The following ATR variants were observed in gnomAD, a reference collection of about 807,000 sequenced individuals.
ATR encodes serine/threonine-protein kinase ATR.
In ATR, 142 loss-of-function variants were observed where a neutral mutation model predicts 305.3. The observed-to-expected ratio is 0.47, with a 90% confidence interval of 0.41 to 0.53. The LOEUF is 0.53. Among genes scored for constraint, ATR ranks in the 20% least tolerant of loss-of-function variants. The pLI is 0.00. For missense variants in ATR, 2,135 were observed against 3,133.1 expected (o/e 0.68, Z 7.60); for synonymous variants, 1,050 against 1,068.1 (o/e 0.98, Z 0.33).
chr3:142,499,676 T>C lies in ATR; in HGVS notation c.5331A>G (p.Ala1777=). 6 of 1,614,174 alleles carry C rather than the reference T, an allele frequency of 3.7e-6. No homozygotes were observed. Among genetic ancestry groups the C allele is most frequent in the Non-Finnish European group, 5.1e-6 (6 of 1,180,020 alleles). ...TDELNTYRVE[A]AWKLSQWDLV... is the part of the protein sequence containing the mutation. Reference sequence around the variant, plus strand: ...AATCCCACTGTGACAATTTCCAAGCTGCTTCCACTCTGTACGTGTTTAATT... The same window carrying C: ...AATCCCACTGTGACAATTTCCAAGCCGCTTCCACTCTGTACGTGTTTAATT... The change falls in exon 31 of 47, where the codon GCA becomes GCG. Residue 1777 remains alanine, a synonymous_variant. Coordinates refer to ENST00000350721, the MANE Select transcript of ATR (RefSeq NM_001184.4).
intron 26 of ATR, 102 bp downstream of exon 26, chr3:142,513,399 T>C (rs1210286148): frequency 1.5e-6 from 2 of 1,363,982 alleles, no homozygotes; most frequent in Non-Finnish European, 2.1e-6. Flanking sequence ...TAGCCATACA[T>C]AGGTCTACAT....
chr3:142,482,383 T>C (rs2030570222), intron 36 of ATR, among the ~76,000 whole-genome samples: 1 of 152,254 alleles, frequency 6.6e-6, no homozygotes, highest in African/African-American at 2.4e-5. Flanking sequence ...GAAGGGTACT[T>C]TAAAAATACT....
rs183450463 is a variant in ATR at position 142,554,403 on chromosome 3, T to A, written c.2342-388A>T. 5.4e-3 allele frequency among the ~76,000 whole-genome samples: 820 copies of A among 152,230 alleles called. 5 individuals are homozygous for A. The highest frequency in any genetic ancestry group is 6.4e-3 in the Non-Finnish European group (435 of 68,012). On this transcript the variant is annotated intron_variant, in intron 10 of 46. Coordinates refer to ENST00000350721, the MANE Select transcript of ATR (RefSeq NM_001184.4). ...CCACCATGCCTGGCTAATTTTTGTATTTTTTGTAGAGATGGGGCTTCACCA... is the reference window on the plus strand; with the variant it reads ...CCACCATGCCTGGCTAATTTTTGTAATTTTTGTAGAGATGGGGCTTCACCA...
At chr3:142,488,959 T>A (rs2031119316) in intron 35 of ATR, among the ~76,000 whole-genome samples, 1 of 152,192 alleles carries the variant, frequency 6.6e-6, no homozygotes, top group Non-Finnish European at 1.5e-5. Flanking sequence ...ATGTTTTAAT[T>A]TTTATTTTGT....
At chr3:142,527,883 T>C (rs2033462958) in intron 21 of ATR, among the ~76,000 whole-genome samples, 1 of 152,146 alleles carries the variant, frequency 6.6e-6, no homozygotes, top group East Asian at 1.9e-4. Flanking sequence ...TCACTCCCCA[T>C]TTCCCCCAAA....
intron 28 of ATR, among the ~76,000 whole-genome samples, chr3:142,505,558 A>G (rs188003108): frequency 5.9e-5 from 9 of 152,210 alleles, no homozygotes; most frequent in Non-Finnish European, 7.3e-5. Flanking sequence ...AAGGTTTATA[A>G]AGAACCTCAG....
At chr3:142,451,749 A>T (rs2070795229) in intron 46 of ATR, 42 of 1,112,450 alleles carry the variant, frequency 3.8e-5, no homozygotes, top group Non-Finnish European at 4.5e-5. Flanking sequence ...CCAGCTAATT[A>T]AAAAAAAACA....
intron 5 of ATR, 110 bp from the exon 6 acceptor site, chr3:142,560,564 A>AT (rs1237112467): frequency 0.038 from 32,400 of 844,644 alleles, no homozygotes; most frequent in East Asian, 0.048. Context: ...ATTCAAAAAA[A>AT]TTTTTTTTTT....
At chr3:142,458,809 A>G (rs1254709336) in intron 44 of ATR, 149 bp downstream of exon 44, 1 of 869,450 alleles carries the variant, frequency 1.2e-6, no homozygotes, top group Non-Finnish European at 1.8e-6. Flanking sequence ...TTACTACATG[A>G]TCCACTGATG....
rs2108427672 is a variant in ATR, at chr3:142,536,199, TC to T, written c.3727del (p.Asp1243MetfsTer19). On this transcript the variant is annotated frameshift_variant and splice_region_variant, in exon 20 of 47. Coordinates refer to ENST00000350721, the MANE Select transcript of ATR (RefSeq NM_001184.4). LOFTEE classifies it high-confidence loss of function. ...TTCATGAAGAAAATCTTGCACAGCA[TC>T]CCTAATAGTTAGTTGGAATAAAAAG... ...IFHYLIIENR[D>X]AVQDFLHEIY... 6.4e-7 allele frequency: 1 copy of T among 1,553,294 alleles called. No individual in the cohort carries two copies.
intron 9 of ATR, 48 bp from the exon 10 acceptor site, chr3:142,556,187 G>C (rs1428506580): frequency 1.4e-5 from 22 of 1,599,316 alleles, no homozygotes; most frequent in Non-Finnish European, 1.7e-5. Flanking sequence ...CTAATTTTGT[G>C]GTCTAAATAG....
chr3:142,553,557 T>C, intron 12 of ATR, 83 bp downstream of exon 12: 1 of 1,459,438 alleles, frequency 6.9e-7, no homozygotes, highest in Non-Finnish European at 9.5e-7. Context: ...ACAAATATCA[T>C]ATCACCATTT....
At chr3:142,466,585 T>A in intron 39 of ATR, 52 bp from the exon 40 acceptor site, 1 of 1,501,712 alleles carries the variant, frequency 6.7e-7, no homozygotes. Context: ...AATTCCACTA[T>A]AACAAAAATT....
At chr3:142,565,204 G>C (rs996893481) in intron 3 of ATR, among the ~76,000 whole-genome samples, 1 of 152,064 alleles carries the variant, frequency 6.6e-6, no homozygotes, top group Admixed American at 6.6e-5. Context: ...CTCTATGATA[G>C]ATGAAATGCA....
intron 13 of ATR, 149 bp downstream of exon 13, chr3:142,553,078 T>C (rs1166458558): frequency 9.6e-7 from 1 of 1,037,820 alleles, no homozygotes; most frequent in East Asian, 2.6e-5. Flanking sequence ...AGCAAACCTC[T>C]ACATGCTGCA....
intron 35 of ATR, among the ~76,000 whole-genome samples, chr3:142,491,170 T>G (rs2031254872): frequency 6.6e-6 from 1 of 152,176 alleles, no homozygotes; most frequent in Non-Finnish European, 1.5e-5. Flanking sequence ...TAGTACCCAT[T>G]AATCTACCTT....
chr3:142,526,798 T>G (rs1309938243), intron 21 of ATR, among the ~76,000 whole-genome samples: 7 of 151,806 alleles, frequency 4.6e-5, no homozygotes, highest in Admixed American at 2.0e-4. Context: ...TTTTTGTTTT[T>G]TTTTTTTTGA....
In ATR at chr3:142,498,746, T is replaced by C. The variant is rs2031786645; in HGVS notation, c.5409A>G (p.Arg1803=). The change falls in exon 32 of 47, where the codon AGA becomes AGG. Residue 1803 remains arginine (R), a synonymous_variant. Coordinates refer to ENST00000350721, the MANE Select transcript of ATR (RefSeq NM_001184.4). The part of the protein sequence containing the change: ...ADGKSTTWSV[R]LGQLLLSAKK... The stretch of plus-strand genomic sequence containing the variant: ...TGGCTGATAATAATAGCTGTCCCAG[T>C]CTGACACTCCATGTTGTAGATTTTC... 2 of 1,614,030 alleles carry C rather than the reference T, an allele frequency of 1.2e-6. No individual in the cohort carries two copies. Among genetic ancestry groups the C allele is most frequent in the Non-Finnish European group, 1.7e-6 (2 of 1,180,020 alleles).
At position 142,560,396 on chromosome 3, in the gene ATR, C is replaced by A. The variant is rs1416544899; in HGVS notation, c.1408G>T (p.Ala470Ser). 1.9e-6 allele frequency: 3 copies of A among 1,613,612 alleles called. No individual in the cohort carries two copies. In the African/African-American group the frequency reaches 4.0e-5, roughly 22 times the overall value. Reference sequence around the variant, plus strand: ...TCAAGGGAAATCTGAAGGGATTCAGCTTTCTGTTTCAGTGCACTCCATAAT... The same window carrying A: ...TCAAGGGAAATCTGAAGGGATTCAGATTTCTGTTTCAGTGCACTCCATAAT... Reference protein sequence around the residue: ...SILWSALKQKAESLQISLEYS... With the variant: ...SILWSALKQKSESLQISLEYS... The change falls in exon 6 of 47, where the codon GCT (alanine) becomes TCT (serine). Residue 470 changes from alanine (A) to serine (S), a missense_variant. This residue lies in a region of ATR where 744 missense variants were observed against 873.2 expected (regional missense o/e 0.85). Coordinates refer to ENST00000350721, the MANE Select transcript of ATR (RefSeq NM_001184.4).
Sources: gnomAD v4.1 joint callset for allele counts (sites outside exome capture counted in the v4.1 genomes callset) on GRCh38, gnomAD v4.1.1 for gene constraint, gnomAD v4.1.1 regional missense constraint, MANE v1.5 for transcripts, NCBI Gene and HGNC (gene_info 2026-07-23, HGNC 2026-07-21) for gene names.